The following SEC14L5 variants were observed in gnomAD, a reference collection of about 807,000 sequenced individuals.
SEC14L5 encodes SEC14 like lipid binding 5.
SEC14L5 carries 96 observed loss-of-function variants against 84.6 expected under a neutral mutation model. That is an observed-to-expected ratio of 1.13 (90% CI 0.96 to 1.34). The LOEUF (loss-of-function observed/expected upper bound fraction) is 1.34, where lower values mean the gene tolerates loss of function less well. SEC14L5 is among the 40% of genes most tolerant of loss of function. The pLI, the probability that SEC14L5 is intolerant of heterozygous loss-of-function variation, is 0.00. For synonymous variants in SEC14L5, 546 were observed against 383.4 expected, an observed-to-expected ratio of 1.42 and a Z score of -4.95; for missense variants, 1,224 against 942.5, an observed-to-expected ratio of 1.30 and a Z score of -3.91.
chr16:5,001,481 G>T (rs1430703464), intron 10 of SEC14L5, among the ~76,000 whole-genome samples: 1 of 151,934 alleles, frequency 6.6e-6, no homozygotes, highest in Non-Finnish European at 1.5e-5. Context: ...GAATGGTCTC[G>T]GTCTCCTGAC....
intron 2 of SEC14L5, among the ~76,000 whole-genome samples, chr16:4,986,178 C>T (rs1263466480): frequency 6.0e-5 from 9 of 150,588 alleles, no homozygotes; most frequent in Admixed American, 2.0e-4. Flanking sequence ...TCGCTCTTGT[C>T]GCCCAGACTG....
chr16:5,012,597 C>A (rs1218044171), intron 15 of SEC14L5, among the ~76,000 whole-genome samples: 1 of 152,196 alleles, frequency 6.6e-6, no homozygotes, highest in Non-Finnish European at 1.5e-5. Context: ...TAGTCCGTTT[C>A]CACACTGTGA....
Position 5,017,881 on chromosome 16 carries a change from C to A in SEC14L5, c.*2911C>A, listed in dbSNP as rs1219176099. 1 of 152,146 alleles carries A rather than the reference C, an allele frequency of 6.6e-6. No homozygotes were observed. The highest frequency in any genetic ancestry group is 6.5e-5 in the Admixed American group (1 of 15,282). 9.4% of individuals were successfully genotyped at this position (152,146 alleles called of 1,614,324 possible). A position where few individuals can be genotyped will look rare whatever the true frequency, so the allele number is the denominator to read the frequency against. ...GCCAAGCTTTTGGCTTTTGAATTTC[C>A]CCTGAGCCACAAAGGCTGGAAGTGC... On this transcript the variant is annotated 3_prime_UTR_variant, in exon 16 of 16. Transcript: ENST00000251170.
intron 2 of SEC14L5, among the ~76,000 whole-genome samples, chr16:4,980,993 G>A (rs1467862572): frequency 1.3e-5 from 2 of 152,194 alleles, no homozygotes; most frequent in Non-Finnish European, 2.9e-5. Context: ...CAGCAAAGCT[G>A]GCGTGGCTGG....
chr16:4,963,956 G>A (rs542648804), intron 2 of SEC14L5, among the ~76,000 whole-genome samples: 46 of 152,340 alleles, frequency 3.0e-4, no homozygotes, highest in Middle Eastern at 3.4e-3. Context: ...CAAAGGGCTG[G>A]GATTATAGGC....
At chr16:4,986,494 T>A (rs777447149) in intron 2 of SEC14L5, among the ~76,000 whole-genome samples, 4 of 152,208 alleles carry the variant, frequency 2.6e-5, no homozygotes, top group Admixed American at 6.5e-5. Context: ...AATTTTGCTC[T>A]TTTTCGATTG....
At chr16:4,999,749 A>C (rs1193645637) in intron 8 of SEC14L5, among the ~76,000 whole-genome samples, 1 of 151,758 alleles carries the variant, frequency 6.6e-6, no homozygotes, top group Admixed American at 6.6e-5. Flanking sequence ...CCCTGTCTCT[A>C]CTAAAAATAC....
intron 2 of SEC14L5, among the ~76,000 whole-genome samples, chr16:4,977,968 T>C (rs1435730931): frequency 1.6e-4 from 24 of 149,584 alleles, no homozygotes; most frequent in Non-Finnish European, 5.9e-5. Flanking sequence ...GCCTGGCTAA[T>C]TTTTTGCATT....
rs1333962957 is a variant in SEC14L5 at position 5,003,557 on chromosome 16, C to T, written c.1286C>T (p.Pro429Leu). The T allele has an allele frequency of 1.5e-6, 2 of 1,358,666 alleles. No individual in the cohort carries two copies. The highest frequency in any genetic ancestry group is 1.1e-5 in the South Asian group (1 of 87,498). The allele number at this position is 1,358,666 out of a possible 1,614,324, so 84.2% of individuals were successfully genotyped here. ...ATCGTGCGAGCCCCCCGAGTCTTCC[C>T]CGTGCTCTGGACACTGGTAAGAGCT... Reference protein sequence around the residue: ...LLIVRAPRVFPVLWTLISPFI... With the variant: ...LLIVRAPRVFLVLWTLISPFI... Residue 429 changes from proline to leucine, a missense_variant, in exon 11 of 16, where the codon CCC becomes CTC. By Grantham distance (98) the Pro-to-Leu change is moderately conservative. Coordinates refer to ENST00000251170, the MANE Select transcript of SEC14L5 (RefSeq NM_014692.2).
Position 5,006,038 on chromosome 16 carries a change from G to T in SEC14L5, c.1427G>T (p.Gly476Val), listed in dbSNP as rs1336527556. ...DREVIPDFLG[G>V]ESVCNVPEGG... is the part of the protein sequence containing the mutation. ...GAAGTGATCCCTGACTTCCTTGGGG[G>T]AGAGAGTGTGGTGAGGCTTCCATGT... is the stretch of plus-strand genomic sequence containing the variant. The change falls in exon 12 of 16, where the codon GGA becomes GTA. Residue 476 changes from glycine to valine, a missense_variant. Physicochemically the swap from Gly to Val is moderately radical, Grantham distance 109. Coordinates refer to ENST00000251170, the MANE Select transcript of SEC14L5 (RefSeq NM_014692.2). The T allele has an allele frequency of 6.2e-7, 1 of 1,613,694 alleles. No individual in the cohort carries two copies.
chr16:5,008,574 A>C lies in SEC14L5; in HGVS notation c.1726A>C (p.Lys576Gln), dbSNP rs756653747. ...CAGGGCCAGCGGGCAGCTGATCGAC[A>C]AAGGCTGGGTCCTGGGCAGGGATTA... ...GTRASGQLID[K>Q]GWVLGRDYSR... The change falls in exon 14 of 16, where the codon AAA becomes CAA. Residue 576 changes from lysine to glutamine, a missense_variant. Transcript: ENST00000251170. The C allele has an allele frequency of 3.1e-6, 5 of 1,607,908 alleles. No homozygotes were observed. In the South Asian group the frequency reaches 4.4e-5, roughly 14 times the overall value.
chr16:5,012,570 G>A (rs909019254), intron 15 of SEC14L5, among the ~76,000 whole-genome samples: 2 of 152,254 alleles, frequency 1.3e-5, no homozygotes, highest in African/African-American at 4.8e-5. Context: ...TGGATGCCAT[G>A]GCCAAGGCCA....
chr16:5,010,223 G>A (rs190682976), intron 14 of SEC14L5, among the ~76,000 whole-genome samples: 1 of 147,074 alleles, frequency 6.8e-6, no homozygotes, highest in Admixed American at 6.8e-5. Context: ...AAAAAGCGAG[G>A]TGTGGTGGCG....
chr16:4,987,758 C>T, intron 3 of SEC14L5, 52 bp downstream of exon 3: 3 of 1,136,598 alleles, frequency 2.6e-6, no homozygotes, highest in Non-Finnish European at 3.5e-6. Flanking sequence ...TGCGGAGGTG[C>T]GGGAGGGCTG....
chr16:5,007,849 G>A lies in SEC14L5; in HGVS notation c.1572+363G>A, dbSNP rs186198581. On this transcript the variant is annotated intron_variant, in intron 13 of 15. Coordinates refer to ENST00000251170, the MANE Select transcript of SEC14L5 (RefSeq NM_014692.2). ...TTGAAATCCTGAGGTCAGGTGATCC[G>A]CCCGCCTAGGCCTCCCAAAGTTCTG... Among the ~76,000 whole-genome samples, 800 of 150,306 alleles carry A rather than the reference G, an allele frequency of 5.3e-3. 3 individuals carry two copies. Among genetic ancestry groups the A allele is most frequent in the African/African-American group, 0.018 (753 of 40,948 alleles).
At chr16:4,972,137 C>G (rs1171242353) in intron 2 of SEC14L5, among the ~76,000 whole-genome samples, 2 of 151,854 alleles carry the variant, frequency 1.3e-5, no homozygotes, top group Non-Finnish European at 2.9e-5. Flanking sequence ...ACCTGAGTAG[C>G]TGGGACTATA....
At position 4,971,474 on chromosome 16, in the gene SEC14L5, TAAC is replaced by T. The variant is rs554587431; in HGVS notation, c.63+12098_63+12100del. On this transcript the variant is annotated intron_variant, in intron 2 of 15. Coordinates refer to ENST00000251170, the MANE Select transcript of SEC14L5 (RefSeq NM_014692.2). ...ACCTTGTCTCAAAAACAAACAACAATAACAACAACAACCAAAAAAACTGGCAAA... is the reference window on the plus strand; with the variant it reads ...ACCTTGTCTCAAAAACAAACAACAATAACAACAACCAAAAAAACTGGCAAA... 6.6e-3 allele frequency among the ~76,000 whole-genome samples: 997 copies of T among 152,100 alleles called. 9 individuals are homozygous for T. Among genetic ancestry groups the T allele is most frequent in the Middle Eastern group, 0.014 (4 of 292 alleles).
At chr16:5,002,385 C>T (rs554724443) in intron 10 of SEC14L5, among the ~76,000 whole-genome samples, 12 of 151,788 alleles carry the variant, frequency 7.9e-5, no homozygotes, top group Non-Finnish European at 1.6e-4. Context: ...CAACCTCCAC[C>T]TCCTGGGTTC....
Position 5,017,547 on chromosome 16 carries a change from T to G in SEC14L5, c.*2577T>G, listed in dbSNP as rs1158939513. On this transcript the variant is annotated 3_prime_UTR_variant, in exon 16 of 16. Transcript: ENST00000251170. ...ACACTCTAAGAGATGCTTTTCCATC[T>G]CAAATCTCATGGAAGGCTCTGATTG... 1.3e-5 allele frequency: 2 copies of G among 152,212 alleles called. No individual in the cohort carries two copies. Among genetic ancestry groups the G allele is most frequent in the Admixed American group, 1.3e-4 (2 of 15,290 alleles). The allele number at this position is 152,212 out of a possible 1,614,324, so 9.4% of individuals were successfully genotyped here.
Sources: allele counts gnomAD v4.1 joint callset (sites outside exome capture counted in the v4.1 genomes callset), GRCh38; gene constraint gnomAD v4.1.1; transcripts MANE v1.5; gene names NCBI Gene and HGNC (gene_info 2026-07-23, HGNC 2026-07-21).